DNAJC3: variants seen among roughly 807,000 people sequenced by gnomAD.
DNAJC3 encodes DnaJ heat shock protein family (Hsp40) member C3, also known as dnaJ homolog subfamily C member 3.
A neutral mutation model predicts 68.6 loss-of-function variants in DNAJC3; 38 were observed. The ratio of observed to expected loss-of-function variants is 0.55; its 90% CI spans 0.43 to 0.73. The LOEUF (loss-of-function observed/expected upper bound fraction) is 0.73, where lower values mean the gene tolerates loss of function less well. DNAJC3 is among the 30% of genes least tolerant of loss of function. The probability of loss-of-function intolerance (pLI) is 0.00; values close to 1 mark genes in which losing one functional copy is unlikely to be tolerated. For missense variants in DNAJC3, 526 were observed against 591.9 expected (o/e 0.89, Z 1.16); for synonymous variants, 203 against 204.0 (o/e 1.00, Z 0.04).
rs866873759 is a variant in DNAJC3 at position 95,763,840 on chromosome 13, A to G, written c.962A>G (p.Lys321Arg). ...TCTCACATTTCCTTTTAGGACGAGAAGCCTGTTGAAGCTATTAGGGTTTGT... is the reference window on the plus strand; with the variant it reads ...TCTCACATTTCCTTTTAGGACGAGAGGCCTGTTGAAGCTATTAGGGTTTGT... ...RICHCFSKDE[K>R]PVEAIRVCSE... Residue 321 changes from lysine (K) to arginine (R), a missense_variant, in exon 9 of 12, where the codon AAG becomes AGG. Lys to Arg is a conservative substitution (Grantham distance 26). Coordinates refer to ENST00000602402, the MANE Select transcript of DNAJC3 (RefSeq NM_006260.5). The G allele has an allele frequency of 3.7e-6, 6 of 1,613,966 alleles. No homozygotes were observed. The highest frequency in any genetic ancestry group is 1.1e-5 in the South Asian group (1 of 91,074).
At chr13:95,741,678 T>C (rs1172469917) in intron 4 of DNAJC3, among the ~76,000 whole-genome samples, 1 of 152,126 alleles carries the variant, frequency 6.6e-6, no homozygotes, top group Non-Finnish European at 1.5e-5. Context: ...GGATCCCAGC[T>C]GGTCTGAGGT....
rs548506201 is a variant in DNAJC3, at chr13:95,677,159, G to C, written c.-97G>C. On this transcript the variant is annotated 5_prime_UTR_variant, in exon 1 of 12. Coordinates refer to ENST00000602402, the MANE Select transcript of DNAJC3 (RefSeq NM_006260.5). Reference sequence around the variant, plus strand: ...GCTCCAGAGCCACTGAGGCCTGAGCGAGAGCCGACGGCGGGCGGGCGCAGC... The same window carrying C: ...GCTCCAGAGCCACTGAGGCCTGAGCCAGAGCCGACGGCGGGCGGGCGCAGC... The C allele has an allele frequency of 3.4e-4, 390 of 1,163,856 alleles. No individual in the cohort carries two copies. Among genetic ancestry groups the C allele is most frequent in the Non-Finnish European group, 4.5e-4 (370 of 828,494 alleles). The allele number at this position is 1,163,856 out of a possible 1,614,324, so 72.1% of individuals were successfully genotyped here. A position where few individuals can be genotyped will look rare whatever the true frequency, so the allele number is the denominator to read the frequency against.
At chr13:95,701,621 G>A (rs930741570) in intron 1 of DNAJC3, among the ~76,000 whole-genome samples, 8 of 151,964 alleles carry the variant, frequency 5.3e-5, no homozygotes, top group Non-Finnish European at 7.4e-5. Context: ...GAATTTTCTC[G>A]CATGTATGTT....
intron 2 of DNAJC3, among the ~76,000 whole-genome samples, chr13:95,722,132 C>T (rs9302083): frequency 0.6 from 91,409 of 152,048 alleles, 28,618 homozygotes; most frequent in African/African-American, 0.79. Context: ...TTGCTTCTGA[C>T]TGAATCCACT....
chr13:95,741,661 AC>A (rs748268561), intron 4 of DNAJC3, among the ~76,000 whole-genome samples: 3 of 151,520 alleles, frequency 2.0e-5, no homozygotes, highest in Non-Finnish European at 4.4e-5. Flanking sequence ...TGGTGGGACA[AC>A]CCTTTGGATC....
At chr13:95,705,515 TCTCTC>T (rs1215347168) in intron 1 of DNAJC3, among the ~76,000 whole-genome samples, 3 of 150,904 alleles carry the variant, frequency 2.0e-5, no homozygotes, top group African/African-American at 7.3e-5. Flanking sequence ...CCTCTCTCTC[TCTCTC>T]TTTTTTTTTT....
chr13:95,785,712 C>T (rs1413833791), intron 9 of DNAJC3, among the ~76,000 whole-genome samples: 1 of 151,672 alleles, frequency 6.6e-6, no homozygotes. Flanking sequence ...GATCCGCCCA[C>T]CTCGACCTCC....
chr13:95,755,241 T>TTGGAGACCAGC (rs1882616415), intron 4 of DNAJC3, among the ~76,000 whole-genome samples: 1 of 151,678 alleles, frequency 6.6e-6, no homozygotes, highest in Non-Finnish European at 1.5e-5. Context: ...AGGCCCGGAG[T>TTGGAGACCAGC]TGGAGACCAG....
intron 1 of DNAJC3, among the ~76,000 whole-genome samples, chr13:95,691,744 C>T (rs1880268465): frequency 6.6e-6 from 1 of 152,218 alleles, no homozygotes; most frequent in Non-Finnish European, 1.5e-5. Context: ...GATCACGCCA[C>T]TGCACTCCAG....
At chr13:95,711,650 C>G (rs1397935706) in intron 2 of DNAJC3, among the ~76,000 whole-genome samples, 1 of 152,118 alleles carries the variant, frequency 6.6e-6, no homozygotes, top group East Asian at 1.9e-4. Context: ...AGGATTCACT[C>G]TACCAGAAAA....
At chr13:95,702,332 C>T (rs73550539) in intron 1 of DNAJC3, among the ~76,000 whole-genome samples, 2,592 of 152,284 alleles carry the variant, frequency 0.017, 78 homozygotes, top group African/African-American at 0.059. Flanking sequence ...AAGAGCTTAG[C>T]ATCATGCTCA....
intron 1 of DNAJC3, among the ~76,000 whole-genome samples, chr13:95,690,322 G>A (rs1880194695): frequency 6.6e-6 from 1 of 151,804 alleles, no homozygotes; most frequent in Non-Finnish European, 1.5e-5. Context: ...AGATCAACAG[G>A]ATCCCAAGGC....
At chr13:95,724,904 T>C (rs1881455314) in intron 3 of DNAJC3, among the ~76,000 whole-genome samples, 1 of 152,214 alleles carries the variant, frequency 6.6e-6, no homozygotes, top group Non-Finnish European at 1.5e-5. Context: ...TTTCCACTTT[T>C]TGGCTATCAT....
intron 9 of DNAJC3, among the ~76,000 whole-genome samples, chr13:95,765,847 A>ATT (rs1882979329): frequency 2.0e-5 from 3 of 152,152 alleles, no homozygotes. Context: ...GCTAGGATCA[A>ATT]TTGGCCCTGC....
intron 1 of DNAJC3, among the ~76,000 whole-genome samples, chr13:95,708,246 A>G (rs1292667404): frequency 6.6e-6 from 1 of 152,226 alleles, no homozygotes; most frequent in Non-Finnish European, 1.5e-5. Context: ...TAAAGAGGAA[A>G]TGCCTGCAAA....
At chr13:95,709,779 A>G (rs1880892444) in intron 2 of DNAJC3, among the ~76,000 whole-genome samples, 1 of 151,968 alleles carries the variant, frequency 6.6e-6, no homozygotes, top group Non-Finnish European at 1.5e-5. Flanking sequence ...AGCTGGGACT[A>G]CACGCGCCCA....
intron 5 of DNAJC3, among the ~76,000 whole-genome samples, chr13:95,758,813 A>G (rs1882740149): frequency 6.6e-6 from 1 of 152,204 alleles, no homozygotes; most frequent in African/African-American, 2.4e-5. Flanking sequence ...ATTTTGATAT[A>G]CAGTTTCATT....
At chr13:95,767,207 C>A (rs936071905) in intron 9 of DNAJC3, among the ~76,000 whole-genome samples, 2 of 152,162 alleles carry the variant, frequency 1.3e-5, no homozygotes, top group Non-Finnish European at 2.9e-5. Context: ...CCCTGGGAAC[C>A]ACCATTCTAC....
In DNAJC3 at chr13:95,792,909, C is replaced by A. The variant is rs145366186; in HGVS notation, c.*1879C>A. The stretch of plus-strand genomic sequence containing the variant: ...TTACCTACTTTGAAAAGAATTTTCA[C>A]ATAGAGTCAGAAAAAAAAGGAAATA... On this transcript the variant is annotated 3_prime_UTR_variant, in exon 12 of 12. Coordinates refer to ENST00000602402, the MANE Select transcript of DNAJC3 (RefSeq NM_006260.5). The A allele has an allele frequency of 6.6e-6, 1 of 152,234 alleles. No individual in the cohort carries two copies. The highest frequency in any genetic ancestry group is 6.5e-5 in the Admixed American group (1 of 15,306). 9.4% of individuals were successfully genotyped at this position (152,234 alleles called of 1,614,324 possible). A position where few individuals can be genotyped will look rare whatever the true frequency, so the allele number is the denominator to read the frequency against.
Sources: allele counts gnomAD v4.1 joint callset (sites outside exome capture counted in the v4.1 genomes callset), GRCh38; gene constraint gnomAD v4.1.1; transcripts MANE v1.5; gene names NCBI Gene and HGNC (gene_info 2026-07-23, HGNC 2026-07-21).